The following SLAIN2 variants were observed in gnomAD, a reference collection of about 807,000 sequenced individuals.
SLAIN2 encodes the protein SLAIN motif-containing protein 2.
In SLAIN2, 31 loss-of-function variants were observed where a neutral mutation model predicts 56.6. That is an observed-to-expected ratio of 0.55 (90% CI 0.41 to 0.74). The LOEUF (loss-of-function observed/expected upper bound fraction) is 0.74. Among genes scored for constraint, SLAIN2 ranks in the 30% least tolerant of loss-of-function variants. The pLI is 0.00. For synonymous variants in SLAIN2, 317 were observed against 284.9 expected (o/e 1.11, Z -1.13); for missense variants, 777 against 754.2 (o/e 1.03, Z -0.35).
chr4:48,381,466 A>G (rs2109762047), intron 4 of SLAIN2, among the ~76,000 whole-genome samples: 1 of 152,288 alleles, frequency 6.6e-6, no homozygotes, highest in East Asian at 1.9e-4. Context: ...ATTCGTTTTT[A>G]AGATGAGAAA....
At chr4:48,393,337 C>T (rs778607547) in intron 6 of SLAIN2, among the ~76,000 whole-genome samples, 4 of 151,806 alleles carry the variant, frequency 2.6e-5, no homozygotes, top group Non-Finnish European at 4.4e-5. Flanking sequence ...ACTCCTCCCA[C>T]CTCAGCCTCC....
intron 6 of SLAIN2, among the ~76,000 whole-genome samples, chr4:48,418,588 A>C (rs1479973876): frequency 6.6e-6 from 1 of 152,180 alleles, no homozygotes; most frequent in African/African-American, 2.4e-5. Context: ...CTATATTTGT[A>C]AACAATATTG....
chr4:48,403,924 G>A (rs1163488865), intron 6 of SLAIN2, among the ~76,000 whole-genome samples: 2 of 152,182 alleles, frequency 1.3e-5, no homozygotes, highest in African/African-American at 2.4e-5. Context: ...TGATCTGTGG[G>A]TTGCAAAGAT....
intron 2 of SLAIN2, among the ~76,000 whole-genome samples, chr4:48,370,888 A>G (rs1187583090): frequency 6.6e-6 from 1 of 152,182 alleles, no homozygotes; most frequent in Admixed American, 6.5e-5. Flanking sequence ...CTTTGTGGTT[A>G]GAGTTTAAGC....
rs574208840 is a variant in SLAIN2, at chr4:48,342,499, C to T, written c.389+371C>T. On this transcript the variant is annotated intron_variant, in intron 1 of 7. Transcript: ENST00000264313. ...AGATACTGGCTTTCGGATGGTGGCC[C>T]TGGGCATTCTGGATGTAGGAGAGGG... is the stretch of plus-strand genomic sequence containing the variant. Among the ~76,000 whole-genome samples, 11 of 152,148 alleles carry T rather than the reference C, an allele frequency of 7.2e-5. No individual in the cohort carries two copies. The East Asian group carries it at 2.1e-3, about 29-fold the overall frequency.
chr4:48,397,275 C>T (rs1240178230), intron 6 of SLAIN2, among the ~76,000 whole-genome samples: 1 of 152,118 alleles, frequency 6.6e-6, no homozygotes, highest in East Asian at 1.9e-4. Context: ...AGGACATGAA[C>T]AGACACTTCT....
intron 2 of SLAIN2, among the ~76,000 whole-genome samples, chr4:48,373,923 A>G (rs930363575): frequency 3.3e-5 from 5 of 152,122 alleles, no homozygotes; most frequent in African/African-American, 1.2e-4. Context: ...CTGTAATCCC[A>G]GCTACTCGGG....
intron 1 of SLAIN2, among the ~76,000 whole-genome samples, chr4:48,355,672 A>C (rs1299738250): frequency 1.3e-5 from 2 of 151,928 alleles, no homozygotes; most frequent in East Asian, 3.8e-4. Flanking sequence ...CTTACCTCCT[A>C]CTCTGGCATG....
At chr4:48,391,448 T>G (rs967445588) in intron 6 of SLAIN2, among the ~76,000 whole-genome samples, 3 of 152,226 alleles carry the variant, frequency 2.0e-5, no homozygotes, top group African/African-American at 7.2e-5. Flanking sequence ...TGTTTATAGC[T>G]TAGACCAACT....
At chr4:48,421,896 G>A (rs1717164344) in intron 7 of SLAIN2, 115 bp from the exon 8 acceptor site, 1 of 805,060 alleles carries the variant, frequency 1.2e-6, no homozygotes, top group African/African-American at 1.7e-5. Context: ...ACTTGGTACG[G>A]CCTTCATGGG....
rs751909465 is a variant in SLAIN2, at chr4:48,383,692, C to T, written c.1268C>T (p.Thr423Ile). Reference sequence around the variant, plus strand: ...CCAAACCTGTCCCGAACATCTAATACACAAGTTGACTCAGTGAAAAGCAGC... The same window carrying T: ...CCAAACCTGTCCCGAACATCTAATATACAAGTTGACTCAGTGAAAAGCAGC... ...SLPNLSRTSN[T>I]QVDSVKSSRS... The change falls in exon 6 of 8, where the codon ACA (threonine) becomes ATA (isoleucine). Residue 423 changes from threonine (T) to isoleucine (I), a missense_variant. Coordinates refer to ENST00000264313, the MANE Select transcript of SLAIN2 (RefSeq NM_020846.2). 1.9e-6 allele frequency: 3 copies of T among 1,608,682 alleles called. No homozygotes were observed. The highest frequency in any genetic ancestry group is 1.7e-5 in the Admixed American group (1 of 59,580).
At chr4:48,367,176 C>T (rs1268266586) in intron 1 of SLAIN2, among the ~76,000 whole-genome samples, 13 of 152,232 alleles carry the variant, frequency 8.5e-5, no homozygotes, top group Admixed American at 8.5e-4. Context: ...CATGTGTCCT[C>T]TGGCAGGTTT....
At chr4:48,419,028 A>G (rs1717074920) in intron 6 of SLAIN2, among the ~76,000 whole-genome samples, 2 of 151,864 alleles carry the variant, frequency 1.3e-5, no homozygotes, top group Non-Finnish European at 2.9e-5. Context: ...GTGTTGATGG[A>G]CATTTGAGCT....
At chr4:48,421,307 G>T (rs1422636778) in intron 7 of SLAIN2, among the ~76,000 whole-genome samples, 2 of 152,022 alleles carry the variant, frequency 1.3e-5, no homozygotes, top group African/African-American at 2.4e-5. Context: ...TTGTTTGTTT[G>T]TTGTTTGTTT....
chr4:48,408,857 A>G (rs1716772698), intron 6 of SLAIN2, among the ~76,000 whole-genome samples: 2 of 152,268 alleles, frequency 1.3e-5, no homozygotes, highest in Middle Eastern at 3.4e-3. Flanking sequence ...TTTCAGTTCT[A>G]TAAGCTCCAT....
intron 4 of SLAIN2, among the ~76,000 whole-genome samples, chr4:48,380,756 G>A (rs1715951607): frequency 6.6e-6 from 1 of 152,070 alleles, no homozygotes; most frequent in Non-Finnish European, 1.5e-5. Context: ...TACATATGTT[G>A]ACAAGTCTTG....
intron 2 of SLAIN2, among the ~76,000 whole-genome samples, 196 bp downstream of exon 2, chr4:48,370,193 CTTG>C (rs1335704261): frequency 6.6e-6 from 1 of 152,058 alleles, no homozygotes; most frequent in Non-Finnish European, 1.5e-5. Flanking sequence ...TTAAAAAAAT[CTTG>C]TTTTTATTTA....
Position 48,341,684 on chromosome 4 carries a change from C to G in SLAIN2, c.-56C>G. 1.3e-6 allele frequency: 2 copies of G among 1,509,520 alleles called. No individual in the cohort carries two copies. Among genetic ancestry groups the G allele is most frequent in the Non-Finnish European group, 1.8e-6 (2 of 1,128,416 alleles). The allele number at this position is 1,509,520 out of a possible 1,614,324, so 93.5% of individuals were successfully genotyped here. A position where few individuals can be genotyped will look rare whatever the true frequency, so the allele number is the denominator to read the frequency against. ...CGACGCCTCTTTCCTCCGTCTCTTT[C>G]CCTGTCGCTGCGAGAGCGAGCGGGC... On this transcript the variant is annotated 5_prime_UTR_variant, in exon 1 of 8. Coordinates refer to ENST00000264313, the MANE Select transcript of SLAIN2 (RefSeq NM_020846.2).
intron 2 of SLAIN2, among the ~76,000 whole-genome samples, chr4:48,370,307 A>G (rs888124820): frequency 6.6e-6 from 1 of 152,196 alleles, no homozygotes; most frequent in African/African-American, 2.4e-5. Context: ...AATGTCTGGT[A>G]TTGTATAAAA....
Sources: allele counts gnomAD v4.1 joint callset (sites outside exome capture counted in the v4.1 genomes callset), GRCh38; gene constraint gnomAD v4.1.1; transcripts MANE v1.5; gene names NCBI Gene and HGNC (gene_info 2026-07-23, HGNC 2026-07-21).